The following HECW1 variants were observed in gnomAD, a reference collection of about 807,000 sequenced individuals.
HECW1 encodes HECT, C2 and WW domain containing E3 ubiquitin protein ligase 1.
In HECW1, 61 loss-of-function variants were observed where a neutral mutation model predicts 182.3. The ratio of observed to expected loss-of-function variants is 0.33; its 90% confidence interval spans 0.27 to 0.41. The LOEUF (loss-of-function observed/expected upper bound fraction) is 0.41, where lower values mean the gene tolerates loss of function less well. Ranked by LOEUF, HECW1 falls within the 10% of genes least tolerant of loss-of-function variation. The pLI is 1.00. For synonymous variants in HECW1, 859 were observed against 832.6 expected, an observed-to-expected ratio of 1.03 and a Z score of -0.55; for missense variants, 1,739 against 2,108.9, an observed-to-expected ratio of 0.82 and a Z score of 3.44.
At chr7:43,401,610 C>T (rs1584776861) in intron 7 of HECW1, among the ~76,000 whole-genome samples, 1 of 129,914 alleles carries the variant, frequency 7.7e-6, no homozygotes, top group South Asian at 2.5e-4. Context: ...CCACAGTAGA[C>T]ATCTGGGCTG....
At chr7:43,496,173 T>C (rs1394813738) in intron 19 of HECW1, among the ~76,000 whole-genome samples, 3 of 150,578 alleles carry the variant, frequency 2.0e-5, no homozygotes. Flanking sequence ...CACGTTGGAA[T>C]TGGAAAAAAA....
chr7:43,179,223 C>T (rs1355444418), intron 2 of HECW1, among the ~76,000 whole-genome samples: 1 of 152,186 alleles, frequency 6.6e-6, no homozygotes, highest in African/African-American at 2.4e-5. Context: ...TGGCTGACAG[C>T]AGCACCCAAG....
intron 24 of HECW1, among the ~76,000 whole-genome samples, chr7:43,531,496 T>A (rs1048781399): frequency 3.3e-5 from 5 of 152,160 alleles, no homozygotes; most frequent in Non-Finnish European, 4.4e-5. Flanking sequence ...CACTGCAATT[T>A]CCCTCACATT....
intron 2 of HECW1, among the ~76,000 whole-genome samples, chr7:43,155,435 C>G (rs1789778752): frequency 6.6e-6 from 1 of 151,830 alleles, no homozygotes; most frequent in South Asian, 2.1e-4. Flanking sequence ...TGGTTAAAAT[C>G]CAAGATGAAA....
At chr7:43,207,340 G>T (rs571376210) in intron 2 of HECW1, among the ~76,000 whole-genome samples, 2 of 152,152 alleles carry the variant, frequency 1.3e-5, no homozygotes, top group East Asian at 1.9e-4. Flanking sequence ...GCCACCGCAC[G>T]CCGCCTAAAA....
At chr7:43,218,253 A>G (rs1796615850) in intron 2 of HECW1, among the ~76,000 whole-genome samples, 2 of 152,236 alleles carry the variant, frequency 1.3e-5, no homozygotes, top group Admixed American at 1.3e-4. Context: ...GAGCAGCAAT[A>G]TGATCCAAGG....
intron 2 of HECW1, among the ~76,000 whole-genome samples, chr7:43,206,290 C>G (rs6463177): frequency 0.72 from 109,050 of 151,940 alleles, 39,721 homozygotes; most frequent in Non-Finnish European, 0.76. Flanking sequence ...TCAAGAGGAT[C>G]TTCCGGGAGG....
chr7:43,547,671 C>T (rs1262613262), intron 26 of HECW1, among the ~76,000 whole-genome samples: 2 of 152,166 alleles, frequency 1.3e-5, no homozygotes, highest in Non-Finnish European at 2.9e-5. Context: ...TCCTTTTTTA[C>T]AATGGTCCCT....
chr7:43,520,031 A>G (rs1003099923), intron 24 of HECW1, among the ~76,000 whole-genome samples: 4 of 152,190 alleles, frequency 2.6e-5, no homozygotes, highest in Non-Finnish European at 5.9e-5. Flanking sequence ...GTAAAAAATA[A>G]ATAAATCTCT....
At position 43,243,758 on chromosome 7, in the gene HECW1, G is replaced by A; in HGVS notation, c.-31-117G>A. 2 of 788,158 alleles carry A rather than the reference G, an allele frequency of 2.5e-6. No homozygotes were observed. The highest frequency in any genetic ancestry group is 3.7e-5 in the Admixed American group (2 of 53,530). The allele number at this position is 788,158 out of a possible 1,614,324, so 48.8% of individuals were successfully genotyped here. A position where few individuals can be genotyped will look rare whatever the true frequency, so the allele number is the denominator to read the frequency against. ...TGATTTTTCCTTTTGCACGTCGGTT[G>A]CCCAGGCCAGGTATCTTGGCGGGGG... is the stretch of plus-strand genomic sequence containing the variant. On this transcript the variant is annotated intron_variant, in intron 2 of 29. Transcript: ENST00000395891. This position sits in a 1 kb window ranked among gnomAD's most constrained non-coding sequence, Gnocchi z 4.0.
chr7:43,197,391 C>T (rs1794561686), intron 2 of HECW1, among the ~76,000 whole-genome samples: 1 of 152,114 alleles, frequency 6.6e-6, no homozygotes, highest in South Asian at 2.1e-4. Flanking sequence ...GGCTCCGCTG[C>T]CCTAGACCAC....
At chr7:43,130,078 A>G (rs1373194776) in intron 2 of HECW1, among the ~76,000 whole-genome samples, 2 of 152,188 alleles carry the variant, frequency 1.3e-5, no homozygotes, top group African/African-American at 4.8e-5. Context: ...TCACACCATA[A>G]ATACAATTTT....
chr7:43,173,382 TC>T (rs1337820642), intron 2 of HECW1, among the ~76,000 whole-genome samples: 2 of 152,186 alleles, frequency 1.3e-5, no homozygotes, highest in Non-Finnish European at 2.9e-5. Flanking sequence ...ATGTGTTGCC[TC>T]CAGTGGCTGT....
intron 17 of HECW1, among the ~76,000 whole-genome samples, chr7:43,483,539 T>A (rs936118244): frequency 7.1e-6 from 1 of 141,748 alleles, no homozygotes; most frequent in Non-Finnish European, 1.5e-5. Flanking sequence ...CAGTCATCCA[T>A]GCAAACTCTT....
rs1336724280 is a variant in HECW1, at chr7:43,243,081, C to T, written c.-31-794C>T. On this transcript the variant is annotated intron_variant, in intron 2 of 29. Transcript: ENST00000395891. This position sits in a 1 kb window ranked among gnomAD's most constrained non-coding sequence, Gnocchi z 4.0. The stretch of plus-strand genomic sequence containing the variant: ...TTGGGAATGCTGACATCATAGACTG[C>T]TTTTTTCTGGAATCAGGCCACATTG... Among the ~76,000 whole-genome samples the T allele has an allele frequency of 6.6e-6, 1 of 152,132 alleles. No homozygotes were observed. The highest frequency in any genetic ancestry group is 1.9e-4 in the East Asian group (1 of 5,194).
chr7:43,525,484 G>A (rs1433731896), intron 24 of HECW1, among the ~76,000 whole-genome samples: 3 of 152,180 alleles, frequency 2.0e-5, no homozygotes, highest in Non-Finnish European at 2.9e-5. Flanking sequence ...AGGGTAAAGA[G>A]TTTGACAACA....
At chr7:43,516,585 C>A (rs2080161689) in intron 24 of HECW1, among the ~76,000 whole-genome samples, 2 of 152,048 alleles carry the variant, frequency 1.3e-5, no homozygotes, top group Middle Eastern at 3.2e-3. Context: ...TCTGAGATGC[C>A]CTAAAAGTCT....
chr7:43,331,865 C>T (rs1409099449), intron 5 of HECW1, among the ~76,000 whole-genome samples: 1 of 152,072 alleles, frequency 6.6e-6, no homozygotes, highest in Non-Finnish European at 1.5e-5. Context: ...CATGGCAGAG[C>T]CCATGGGAAT....
At chr7:43,315,713 C>T (rs938469794) in intron 4 of HECW1, among the ~76,000 whole-genome samples, 1 of 152,004 alleles carries the variant, frequency 6.6e-6, no homozygotes, top group African/African-American at 2.4e-5. Flanking sequence ...AGGCTGATCT[C>T]AAACTCCTGA....
Sources: allele counts gnomAD v4.1 joint callset (sites outside exome capture counted in the v4.1 genomes callset), GRCh38; gene constraint gnomAD v4.1.1; non-coding constraint Gnocchi (gnomAD v3.1); transcripts MANE v1.5; gene names NCBI Gene and HGNC (gene_info 2026-07-23, HGNC 2026-07-21).